NUDT21: variants seen among roughly 807,000 people sequenced by gnomAD.
NUDT21 encodes the protein cleavage and polyadenylation specificity factor subunit 5.
NUDT21 carries 5 observed loss-of-function variants against 29.8 expected under a neutral mutation model. The ratio of observed to expected loss-of-function variants is 0.17; its 90% CI spans 0.09 to 0.35. NUDT21 has a LOEUF of 0.35. NUDT21 is among the 10% of genes least tolerant of loss of function. NUDT21 has a pLI of 1.00. For missense variants in NUDT21, 76 were observed against 276.0 expected, an observed-to-expected ratio of 0.28 and a Z score of 5.13; for synonymous variants, 113 against 98.5, an observed-to-expected ratio of 1.15 and a Z score of -0.87.
intron 3 of NUDT21, among the ~76,000 whole-genome samples, chr16:56,442,644 G>A (rs1962172606): frequency 6.6e-6 from 1 of 152,136 alleles, no homozygotes; most frequent in Non-Finnish European, 1.5e-5. Flanking sequence ...CACTATAGAG[G>A]CAAGGCCAGT....
intron 4 of NUDT21, chr16:56,438,999 T>C (rs1167643931): frequency 6.6e-6 from 1 of 152,182 alleles, no homozygotes; most frequent in Non-Finnish European, 1.5e-5. Flanking sequence ...TGATTCACAC[T>C]GAAATATTTA....
chr16:56,430,182 T>C lies in NUDT21; in HGVS notation c.*2530A>G, dbSNP rs1337484581. ...CAGTACAAATTCAAGTGCAGAATTA[T>C]TACGCCATTTTAAGTATTATCTACT... On this transcript the variant is annotated 3_prime_UTR_variant, in exon 7 of 7. Coordinates refer to ENST00000300291, the MANE Select transcript of NUDT21 (RefSeq NM_007006.3). 1.3e-5 allele frequency: 2 copies of C among 152,224 alleles called. No homozygotes were observed. Among genetic ancestry groups the C allele is most frequent in the Non-Finnish European group, 2.9e-5 (2 of 68,024 alleles). 9.4% of individuals were successfully genotyped at this position (152,224 alleles called of 1,614,324 possible).
At chr16:56,446,151 T>A (rs964313892) in intron 3 of NUDT21, among the ~76,000 whole-genome samples, 1 of 152,348 alleles carries the variant, frequency 6.6e-6, no homozygotes, top group Admixed American at 6.5e-5. Context: ...AGTAGAATAA[T>A]TTGGGCAAAG....
chr16:56,434,148 T>TA (rs1378838405), intron 6 of NUDT21, among the ~76,000 whole-genome samples, 183 bp downstream of exon 6: 1 of 152,210 alleles, frequency 6.6e-6, no homozygotes, highest in Non-Finnish European at 1.5e-5. Context: ...TGCCGAAACT[T>TA]AAGAGTCTGG....
In NUDT21 at chr16:56,429,532, TAATATTAA is replaced by T. The variant is rs1227316403; in HGVS notation, c.*3172_*3179del. The T allele has an allele frequency of 6.6e-6, 1 of 152,346 alleles. No individual in the cohort carries two copies. The highest frequency in any genetic ancestry group is 1.9e-4 in the East Asian group (1 of 5,190). The allele number at this position is 152,346 out of a possible 1,614,324, so 9.4% of individuals were successfully genotyped here. A position where few individuals can be genotyped will look rare whatever the true frequency, so the allele number is the denominator to read the frequency against. On this transcript the variant is annotated 3_prime_UTR_variant, in exon 7 of 7. Coordinates refer to ENST00000300291, the MANE Select transcript of NUDT21 (RefSeq NM_007006.3). ...CAAGCTTAATAACTATAATACAAGC[TAATATTAA>T]AATGTGTTTTATGGCTCAAATCAAA...
chr16:56,430,238 A>G lies in NUDT21; in HGVS notation c.*2474T>C. 1 of 152,242 alleles carries G rather than the reference A, an allele frequency of 6.6e-6. No individual in the cohort carries two copies. Among genetic ancestry groups the G allele is most frequent in the Non-Finnish European group, 1.5e-5 (1 of 68,036 alleles). The allele number at this position is 152,242 out of a possible 1,614,324, so 9.4% of individuals were successfully genotyped here. On this transcript the variant is annotated 3_prime_UTR_variant, in exon 7 of 7. Transcript: ENST00000300291. ...AAAAAATCACAGTGGTCTTCATCACATGGCGAAAAAACAAACTTCACTCTT... is the reference window on the plus strand; with the variant it reads ...AAAAAATCACAGTGGTCTTCATCACGTGGCGAAAAAACAAACTTCACTCTT...
intron 1 of NUDT21, chr16:56,449,245 A>G (rs1274305101): frequency 2.6e-5 from 4 of 152,212 alleles, no homozygotes; most frequent in East Asian, 1.9e-4. Flanking sequence ...CAGTAAGGAG[A>G]TGTGAAGATG....
chr16:56,451,249 G>A lies in NUDT21; in HGVS notation c.-47C>T, dbSNP rs1962311131. The A allele has an allele frequency of 4.2e-6, 6 of 1,421,492 alleles. No homozygotes were observed. Among genetic ancestry groups the A allele is most frequent in the Non-Finnish European group, 4.8e-6 (5 of 1,031,680 alleles). 88.1% of individuals were successfully genotyped at this position (1,421,492 alleles called of 1,614,324 possible). ...CGGCGAGCAGAAAGTGGCAGGCAGG[G>A]TAGACTTTCCCCGTGCGGGAAGCGG... On this transcript the variant is annotated 5_prime_UTR_variant, in exon 1 of 7. Transcript: ENST00000300291.
chr16:56,441,340 G>A (rs1202857622), intron 3 of NUDT21, among the ~76,000 whole-genome samples: 3 of 152,072 alleles, frequency 2.0e-5, no homozygotes, highest in Admixed American at 6.5e-5. Context: ...AGGTCCAAGC[G>A]ACTCCCCTGC....
chr16:56,438,700 A>G (rs1173856331), intron 4 of NUDT21, among the ~76,000 whole-genome samples: 1 of 152,122 alleles, frequency 6.6e-6, no homozygotes, highest in Admixed American at 6.6e-5. Context: ...AATTTGCAAG[A>G]CACACAGGGG....
intron 1 of NUDT21, among the ~76,000 whole-genome samples, chr16:56,449,951 T>G (rs552993828): frequency 1.3e-5 from 2 of 152,188 alleles, no homozygotes; most frequent in Non-Finnish European, 2.9e-5. Flanking sequence ...TTCCAGATTT[T>G]ATAAACCCAG....
chr16:56,442,198 A>G (rs1399697225), intron 3 of NUDT21, among the ~76,000 whole-genome samples: 1 of 152,224 alleles, frequency 6.6e-6, no homozygotes, highest in Non-Finnish European at 1.5e-5. Context: ...ACGTTTTTCT[A>G]TCATCCTGCT....
At chr16:56,443,193 T>C (rs1292196269) in intron 3 of NUDT21, among the ~76,000 whole-genome samples, 1 of 152,112 alleles carries the variant, frequency 6.6e-6, no homozygotes, top group East Asian at 1.9e-4. Context: ...TTTTTTTTTT[T>C]TGAGACGAAG....
At chr16:56,446,888 G>GT (rs1962225399) in intron 2 of NUDT21, 199 bp from the exon 3 acceptor site, 4 of 433,158 alleles carry the variant, frequency 9.2e-6, no homozygotes, top group Admixed American at 4.2e-5. Context: ...CAAACCCTAG[G>GT]TTTTTTTCCT....
At chr16:56,433,191 A>C (rs74786373) in intron 6 of NUDT21, among the ~76,000 whole-genome samples, 27 of 152,348 alleles carry the variant, frequency 1.8e-4, no homozygotes, top group African/African-American at 6.5e-4. Flanking sequence ...CGAAGTAGAA[A>C]GAGCAATTTC....
chr16:56,435,512 G>A (rs1187311983), intron 4 of NUDT21, among the ~76,000 whole-genome samples: 5 of 150,818 alleles, frequency 3.3e-5, no homozygotes, highest in Non-Finnish European at 7.4e-5. Context: ...GGATCATGAG[G>A]TCAGGAGATC....
At chr16:56,446,564 G>A (rs754842701) in intron 3 of NUDT21, 62 bp downstream of exon 3, 19 of 886,764 alleles carry the variant, frequency 2.1e-5, no homozygotes, top group Non-Finnish European at 3.4e-5. Context: ...CTTTTTACAA[G>A]ACATTAAAAG....
intron 3 of NUDT21, 36 bp from the exon 4 acceptor site, chr16:56,439,782 A>G (rs368761071): frequency 3.3e-4 from 492 of 1,488,688 alleles, no homozygotes; most frequent in Non-Finnish European, 4.5e-4. Flanking sequence ...ACAACTAAAT[A>G]TATGTACTCA....
chr16:56,434,628 T>C, intron 5 of NUDT21, 126 bp downstream of exon 5: 1 of 804,848 alleles, frequency 1.2e-6, no homozygotes, highest in Non-Finnish European at 2.1e-6. Flanking sequence ...AAAAGCATGG[T>C]ATACATCTTT....
Sources: allele counts gnomAD v4.1 joint callset (sites outside exome capture counted in the v4.1 genomes callset), GRCh38; gene constraint gnomAD v4.1.1; transcripts MANE v1.5; gene names NCBI Gene and HGNC (gene_info 2026-07-23, HGNC 2026-07-21).